The following PCNX4 variants were observed in gnomAD, a reference collection of about 807,000 sequenced individuals.
The protein encoded by PCNX4 is pecanex-like protein 4.
In PCNX4, 103 loss-of-function variants were observed where a neutral mutation model predicts 107.2. The observed-to-expected ratio is 0.96, with a 90% CI of 0.82 to 1.13. The LOEUF (loss-of-function observed/expected upper bound fraction) is 1.13. Among genes scored for constraint, PCNX4 ranks in the 50% most tolerant of loss-of-function variants. PCNX4 has a pLI of 0.00. For missense variants in PCNX4, 1,528 were observed against 1,379.4 expected, an observed-to-expected ratio of 1.11 and a Z score of -1.71; for synonymous variants, 541 against 481.7, an observed-to-expected ratio of 1.12 and a Z score of -1.61.
At chr14:60,098,869 C>T (rs778546373) in intron 1 of PCNX4, among the ~76,000 whole-genome samples, 3 of 150,824 alleles carry the variant, frequency 2.0e-5, no homozygotes, top group African/African-American at 7.3e-5. Flanking sequence ...ACCCGAGAGG[C>T]GGAGGTTGCA....
rs1209732283 is a variant in PCNX4 at position 60,125,217 on chromosome 14, C to G, written c.3046C>G (p.Pro1016Ala). The G allele has an allele frequency of 1.9e-6, 3 of 1,596,578 alleles. No individual in the cohort carries two copies. Among genetic ancestry groups the G allele is most frequent in the Admixed American group, 3.5e-5 (2 of 56,534 alleles). ...SVALDWLTEKPELFQLALKAF... is the reference protein window; with the variant it reads ...SVALDWLTEKAELFQLALKAF... ...TGCTTTGGACTGGCTCACAGAAAAG[C>G]CAGAACTGTTTCAACTAGCACTGAA... The change falls in exon 9 of 11, where the codon CCA becomes GCA. Residue 1016 changes from proline to alanine, a missense_variant. Physicochemically the swap from Pro to Ala is conservative, Grantham distance 27. Transcript: ENST00000406854.
intron 8 of PCNX4, among the ~76,000 whole-genome samples, chr14:60,122,826 A>G (rs988463960): frequency 2.6e-5 from 4 of 152,142 alleles, no homozygotes; most frequent in African/African-American, 9.7e-5. Context: ...AATGAATAGT[A>G]AGTGAATTTT....
In PCNX4 at chr14:60,139,393, T is replaced by TAA. The variant is rs1282334629; in HGVS notation, c.*5175_*5176dup. On this transcript the variant is annotated 3_prime_UTR_variant, in exon 11 of 11. Coordinates refer to ENST00000406854, the MANE Select transcript of PCNX4 (RefSeq NM_001330177.2). ...TACAAAGAGAGACAATTTGTAATGA[T>TAA]AAAAGATTTGATTCACCAGAAAGTT... 1 of 152,106 alleles carries TAA rather than the reference T, an allele frequency of 6.6e-6. No individual in the cohort carries two copies. The highest frequency in any genetic ancestry group is 1.5e-5 in the Non-Finnish European group (1 of 67,944). The allele number at this position is 152,106 out of a possible 1,614,324, so 9.4% of individuals were successfully genotyped here. A position where few individuals can be genotyped will look rare whatever the true frequency, so the allele number is the denominator to read the frequency against.
At chr14:60,127,074 A>T (rs925107570) in intron 10 of PCNX4, among the ~76,000 whole-genome samples, 1 of 152,240 alleles carries the variant, frequency 6.6e-6, no homozygotes, top group Non-Finnish European at 1.5e-5. Flanking sequence ...GAACTGATTT[A>T]TCTGCAACGG....
intron 1 of PCNX4, among the ~76,000 whole-genome samples, chr14:60,100,376 A>G (rs964218864): frequency 6.6e-6 from 1 of 152,126 alleles, no homozygotes; most frequent in African/African-American, 2.4e-5. Context: ...TTGGCTCACT[A>G]CAACCTCTGT....
chr14:60,110,500 T>G (rs146819993), intron 2 of PCNX4: 220 of 167,230 alleles, frequency 1.3e-3, no homozygotes, highest in African/African-American at 4.9e-3. Context: ...AGCTCTAAGA[T>G]CTAATGGAAT....
At chr14:60,096,245 T>C (rs1158356946) in intron 1 of PCNX4, among the ~76,000 whole-genome samples, 1 of 152,214 alleles carries the variant, frequency 6.6e-6, no homozygotes, top group African/African-American at 2.4e-5. Flanking sequence ...AGGTCCTCCC[T>C]TGTGCTGCCG....
At position 60,115,050 on chromosome 14, in the gene PCNX4, C is replaced by G; in HGVS notation, c.946C>G (p.Leu316Val). ...YFIPSTVGVVLFMTGFGFLLS... is the reference protein window; with the variant it reads ...YFIPSTVGVVVFMTGFGFLLS... ...CATTCCAAGCACTGTTGGTGTGGTT[C>G]TTTTCATGACTGGATTTGGTTTCTT... The change falls in exon 4 of 11, where the codon CTT becomes GTT. Residue 316 changes from leucine (L) to valine (V), a missense_variant. Physicochemically the swap from Leu to Val is conservative, Grantham distance 32. Transcript: ENST00000406854. 1.2e-6 allele frequency: 2 copies of G among 1,613,364 alleles called. No homozygotes were observed. Among genetic ancestry groups the G allele is most frequent in the Non-Finnish European group, 1.7e-6 (2 of 1,179,746 alleles).
At position 60,143,301 on chromosome 14, in the gene PCNX4, G is replaced by A. The variant is rs1366199571; in HGVS notation, c.*9080G>A. On this transcript the variant is annotated 3_prime_UTR_variant, in exon 11 of 11. Transcript: ENST00000406854. ...GTCTGTACCAGGCCACATGACATATGTTATTTTGTGGCATTCTAGAATTAT... is the reference window on the plus strand; with the variant it reads ...GTCTGTACCAGGCCACATGACATATATTATTTTGTGGCATTCTAGAATTAT... 2 of 152,126 alleles carry A rather than the reference G, an allele frequency of 1.3e-5. No homozygotes were observed. The highest frequency in any genetic ancestry group is 4.8e-5 in the African/African-American group (2 of 41,400). The allele number at this position is 152,126 out of a possible 1,614,324, so 9.4% of individuals were successfully genotyped here. A position where few individuals can be genotyped will look rare whatever the true frequency, so the allele number is the denominator to read the frequency against.
At chr14:60,105,518 A>G (rs1370116039) in intron 1 of PCNX4, among the ~76,000 whole-genome samples, 1 of 152,150 alleles carries the variant, frequency 6.6e-6, no homozygotes, top group Admixed American at 6.5e-5. Flanking sequence ...AGCCATCTAT[A>G]TATATAGGTG....
Position 60,116,194 on chromosome 14 carries a change from A to C in PCNX4, c.1578+134A>C. The C allele has an allele frequency of 7.0e-6, 6 of 859,582 alleles. No individual in the cohort carries two copies. In the East Asian group the frequency reaches 1.7e-4, roughly 24 times the overall value. 53.2% of individuals were successfully genotyped at this position (859,582 alleles called of 1,614,324 possible). A position where few individuals can be genotyped will look rare whatever the true frequency, so the allele number is the denominator to read the frequency against. ...AGAACATTTTCAACATCCCAAAAAGAAACCTCAACTGTTATTTCCCATTCC... is the reference window on the plus strand; with the variant it reads ...AGAACATTTTCAACATCCCAAAAAGCAACCTCAACTGTTATTTCCCATTCC... On this transcript the variant is annotated intron_variant, in intron 6 of 10. Coordinates refer to ENST00000406854, the MANE Select transcript of PCNX4 (RefSeq NM_001330177.2).
At position 60,141,840 on chromosome 14, in the gene PCNX4, A is replaced by G. The variant is rs1251241551; in HGVS notation, c.*7619A>G. ...GTAAAGCTGCTATGAGCATTCATTTACAAGTCTTTATGTGGACATAAGCTT... is the reference window on the plus strand; with the variant it reads ...GTAAAGCTGCTATGAGCATTCATTTGCAAGTCTTTATGTGGACATAAGCTT... On this transcript the variant is annotated 3_prime_UTR_variant, in exon 11 of 11. Transcript: ENST00000406854. 1 of 152,218 alleles carries G rather than the reference A, an allele frequency of 6.6e-6. No homozygotes were observed. The highest frequency in any genetic ancestry group is 1.5e-5 in the Non-Finnish European group (1 of 68,028). 9.4% of individuals were successfully genotyped at this position (152,218 alleles called of 1,614,324 possible).
rs1896318390 is a variant in PCNX4 at position 60,142,510 on chromosome 14, AC to A, written c.*8290del. 1 of 152,192 alleles carries A rather than the reference AC, an allele frequency of 6.6e-6. No homozygotes were observed. Among genetic ancestry groups the A allele is most frequent in the South Asian group, 2.1e-4 (1 of 4,832 alleles). The allele number at this position is 152,192 out of a possible 1,614,324, so 9.4% of individuals were successfully genotyped here. On this transcript the variant is annotated 3_prime_UTR_variant, in exon 11 of 11. Transcript: ENST00000406854. This position sits in a 1 kb window ranked among gnomAD's most constrained non-coding sequence, Gnocchi z 4.7. Reference sequence around the variant, plus strand: ...CCACTCAGGATAATGATTAAGAAATACATTGATGCCGAGTAATAAATACTTT... The same window carrying A: ...CCACTCAGGATAATGATTAAGAAATAATTGATGCCGAGTAATAAATACTTT...
At position 60,145,713 on chromosome 14, in the gene PCNX4, T is replaced by G. The variant is rs1270315871; in HGVS notation, c.*11492T>G. 1 of 152,110 alleles carries G rather than the reference T, an allele frequency of 6.6e-6. No homozygotes were observed. Among genetic ancestry groups the G allele is most frequent in the Non-Finnish European group, 1.5e-5 (1 of 68,012 alleles). 9.4% of individuals were successfully genotyped at this position (152,110 alleles called of 1,614,324 possible). ...AGAAAAAAAAATTATTTGTGAACTT[T>G]TTGTATATTGCTTAAGGAATAAAAC... On this transcript the variant is annotated 3_prime_UTR_variant, in exon 11 of 11. Transcript: ENST00000406854. The surrounding 1 kb of genome is among the most constrained non-coding windows in gnomAD (Gnocchi z 4.0).
chr14:60,113,595 C>G (rs1895781102), intron 2 of PCNX4, among the ~76,000 whole-genome samples: 1 of 152,084 alleles, frequency 6.6e-6, no homozygotes, highest in Non-Finnish European at 1.5e-5. Flanking sequence ...TCTCGAACTC[C>G]TGACCTCAGG....
At chr14:60,096,896 AG>A (rs1191052592) in intron 1 of PCNX4, among the ~76,000 whole-genome samples, 1 of 152,234 alleles carries the variant, frequency 6.6e-6, no homozygotes, top group Non-Finnish European at 1.5e-5. Flanking sequence ...CAAATAATTA[AG>A]CCAAGTATAG....
chr14:60,118,584 G>A lies in PCNX4; in HGVS notation c.1834G>A (p.Gly612Arg), dbSNP rs1165854083. Residue 612 changes from glycine (G) to arginine (R), a missense_variant, in exon 7 of 11, where the codon GGA becomes AGA. Transcript: ENST00000406854. ...GFPRPIQSWP[G>R]AAGTTACVCA... ...TCCCCGACCTATTCAGAGTTGGCCAGGAGCAGCAGGCACCACAGCCTGTGT... is the reference window on the plus strand; with the variant it reads ...TCCCCGACCTATTCAGAGTTGGCCAAGAGCAGCAGGCACCACAGCCTGTGT... 4.3e-6 allele frequency: 7 copies of A among 1,613,766 alleles called. No individual in the cohort carries two copies. Among genetic ancestry groups the A allele is most frequent in the Non-Finnish European group, 5.9e-6 (7 of 1,179,818 alleles).
In PCNX4 at chr14:60,108,284, C is replaced by A. The variant is rs1566931921; in HGVS notation, c.646C>A (p.Pro216Thr). The part of the protein sequence containing the change: ...DTYEIIPLMR[P>T]LYIFFFVSVD... ...TTATGAAATTATTCCTCTTATGAGA[C>A]CTCTTTATATTTTTTTCTTTGTTTC... is the stretch of plus-strand genomic sequence containing the variant. Residue 216 changes from proline to threonine, a missense_variant, in exon 2 of 11, where the codon CCT becomes ACT. Pro to Thr is a conservative substitution (Grantham distance 38). Transcript: ENST00000406854. 1 of 1,610,618 alleles carries A rather than the reference C, an allele frequency of 6.2e-7. No individual in the cohort carries two copies. Among genetic ancestry groups the A allele is most frequent in the Non-Finnish European group, 8.5e-7 (1 of 1,179,266 alleles).
In PCNX4 at chr14:60,140,618, A is replaced by ACC. The variant is rs1002908029; in HGVS notation, c.*6400_*6401dup. The ACC allele has an allele frequency of 6.6e-5, 10 of 151,506 alleles. No individual in the cohort carries two copies. The highest frequency in any genetic ancestry group is 4.2e-4 in the South Asian group (2 of 4,782). 9.4% of individuals were successfully genotyped at this position (151,506 alleles called of 1,614,324 possible). A position where few individuals can be genotyped will look rare whatever the true frequency, so the allele number is the denominator to read the frequency against. ...TACACACATACACACACACACACAC[A>ACC]CCCCTACACACACAGAATAATCACA... On this transcript the variant is annotated 3_prime_UTR_variant, in exon 11 of 11. Coordinates refer to ENST00000406854, the MANE Select transcript of PCNX4 (RefSeq NM_001330177.2). This position sits in a 1 kb window ranked among gnomAD's most constrained non-coding sequence, Gnocchi z 4.2.
Sources: allele counts gnomAD v4.1 joint callset (sites outside exome capture counted in the v4.1 genomes callset), GRCh38; gene constraint gnomAD v4.1.1; non-coding constraint Gnocchi (gnomAD v3.1); transcripts MANE v1.5; gene names NCBI Gene and HGNC (gene_info 2026-07-23, HGNC 2026-07-21).